The following BCAR3 variants were observed in gnomAD, a reference collection of about 807,000 sequenced individuals.
The protein encoded by BCAR3 is BCAR3 adaptor protein, NSP family member.
A neutral mutation model predicts 80.1 loss-of-function variants in BCAR3; 37 were observed. That is an observed-to-expected ratio of 0.46 (90% CI 0.36 to 0.61). The LOEUF (loss-of-function observed/expected upper bound fraction) is 0.61, where lower values mean the gene tolerates loss of function less well. BCAR3 is among the 20% of genes least tolerant of loss of function. BCAR3 has a pLI of 0.00. For missense variants in BCAR3, 978 were observed against 1,068.2 expected (o/e 0.92, Z 1.18); for synonymous variants, 389 against 418.9 (o/e 0.93, Z 0.87).
At chr1:93,796,626 C>T (rs1003815206) in intron 2 of BCAR3, among the ~76,000 whole-genome samples, 10 of 152,138 alleles carry the variant, frequency 6.6e-5, no homozygotes, top group African/African-American at 2.4e-4. Context: ...CTGCGTCGCT[C>T]ACGCTGGGAG....
intron 2 of BCAR3, among the ~76,000 whole-genome samples, chr1:93,837,861 T>C (rs1343648292): frequency 6.6e-6 from 1 of 152,218 alleles, no homozygotes; most frequent in African/African-American, 2.4e-5. Context: ...CCTTACTTCA[T>C]GTTAGTACCT....
At chr1:93,832,818 A>T (rs1654620153) in intron 2 of BCAR3, among the ~76,000 whole-genome samples, 1 of 152,170 alleles carries the variant, frequency 6.6e-6, no homozygotes, top group African/African-American at 2.4e-5. Context: ...CTTATTAGGT[A>T]GAGACATTTT....
rs1309114061 is a variant in BCAR3, at chr1:93,844,700, CTTCT to C, written c.-63+863_-63+866del. ...CCTGACCTTGTTTGGCTGTGACTTT[CTTCT>C]TTTTTTTTTTTTTTTTCTTTTGGAG... On this transcript the variant is annotated intron_variant, in intron 2 of 13. Coordinates refer to the BCAR3 transcript ENST00000370244. Among the ~76,000 whole-genome samples the C allele has an allele frequency of 4.7e-5, 7 of 147,654 alleles. No homozygotes were observed. In the East Asian group the frequency reaches 9.7e-4, roughly 20 times the overall value.
At chr1:93,591,631 T>C (rs745850833) in intron 4 of BCAR3, among the ~76,000 whole-genome samples, 13 of 152,224 alleles carry the variant, frequency 8.5e-5, no homozygotes, top group Admixed American at 2.0e-4. Context: ...ACTTACTCTA[T>C]TTTTCAATTT....
At chr1:93,828,299 T>C (rs888808790) in intron 2 of BCAR3, among the ~76,000 whole-genome samples, 18 of 152,186 alleles carry the variant, frequency 1.2e-4, no homozygotes, top group Admixed American at 2.6e-4. Flanking sequence ...AGCAAGACCT[T>C]GTCTCTTTAG....
At chr1:93,776,907 G>A (rs1652570979) in intron 2 of BCAR3, among the ~76,000 whole-genome samples, 1 of 152,116 alleles carries the variant, frequency 6.6e-6, no homozygotes, top group Non-Finnish European at 1.5e-5. Context: ...CACCAACGCT[G>A]TGCCTGTGAT....
chr1:93,783,954 T>G (rs898904905), intron 2 of BCAR3, among the ~76,000 whole-genome samples: 4 of 152,196 alleles, frequency 2.6e-5, no homozygotes, highest in Admixed American at 2.6e-4. Flanking sequence ...TGTCTGGTTT[T>G]CTCTCTTGCG....
intron 3 of BCAR3, among the ~76,000 whole-genome samples, chr1:93,613,663 C>T (rs990070227): frequency 2.6e-5 from 4 of 152,232 alleles, no homozygotes; most frequent in African/African-American, 9.6e-5. Context: ...TTCTGTGCCA[C>T]TGGGTTCTGC....
chr1:93,583,595 T>C (rs985804111), intron 6 of BCAR3, among the ~76,000 whole-genome samples: 2 of 151,866 alleles, frequency 1.3e-5, no homozygotes, highest in East Asian at 3.9e-4. Flanking sequence ...GGAAGGGGAG[T>C]TGGCCTGGAC....
intron 2 of BCAR3, among the ~76,000 whole-genome samples, chr1:93,820,074 A>G (rs1055207867): frequency 1.3e-5 from 2 of 152,032 alleles, no homozygotes; most frequent in Admixed American, 1.3e-4. Context: ...TTAACAGTAA[A>G]CTCTAAACTC....
intron 2 of BCAR3, among the ~76,000 whole-genome samples, chr1:93,828,847 C>T (rs947024449): frequency 6.6e-6 from 1 of 152,114 alleles, no homozygotes; most frequent in Non-Finnish European, 1.5e-5. Flanking sequence ...CGCATGCTAC[C>T]ACACCCGGCT....
At chr1:93,624,882 G>A (rs1675410345) in intron 3 of BCAR3, among the ~76,000 whole-genome samples, 1 of 152,250 alleles carries the variant, frequency 6.6e-6, no homozygotes, top group Non-Finnish European at 1.5e-5. Context: ...GCCAGCCTCT[G>A]GCTGAATTAC....
chr1:93,565,872 C>G (rs1672927278), intron 11 of BCAR3, among the ~76,000 whole-genome samples: 2 of 152,174 alleles, frequency 1.3e-5, no homozygotes, highest in African/African-American at 4.8e-5. Flanking sequence ...CTTTGTGAAT[C>G]AAACTGTGAG....
rs748918676 is a variant in BCAR3 at position 93,582,640 on chromosome 1, A to G, written c.1347T>C (p.Cys449=). The part of the protein sequence containing the change: ...GCGRGAKLPS[C]AQGSHTELLT... ...GCAGTTCTGTGTGGCTTCCCTGGGC[A>G]CATGAGGGTAGCTTTGCTCCCCTGC... The change falls in exon 7 of 12, where the codon TGT becomes TGC. Residue 449 remains cysteine, a synonymous_variant. Coordinates refer to ENST00000260502, the MANE Select transcript of BCAR3 (RefSeq NM_003567.4). The G allele has an allele frequency of 2.5e-6, 4 of 1,613,910 alleles. No individual in the cohort carries two copies. Among genetic ancestry groups the G allele is most frequent in the Non-Finnish European group, 3.4e-6 (4 of 1,179,996 alleles).
At chr1:93,619,943 T>G (rs1675259270) in intron 3 of BCAR3, among the ~76,000 whole-genome samples, 2 of 152,236 alleles carry the variant, frequency 1.3e-5, no homozygotes, top group Admixed American at 6.5e-5. Context: ...TCTCTGAGCC[T>G]TAGTTTCCTC....
intron 8 of BCAR3, among the ~76,000 whole-genome samples, chr1:93,574,729 G>A (rs1278134274): frequency 6.6e-6 from 1 of 152,200 alleles, no homozygotes. Context: ...GAGCCGGGAG[G>A]TCAGGCCCCT....
At chr1:93,568,263 A>G (rs1673047271) in intron 9 of BCAR3, 1 of 158,726 alleles carries the variant, frequency 6.3e-6, no homozygotes, top group African/African-American at 2.4e-5. Context: ...CATGGTAAAA[A>G]TGTCAAAGTG....
chr1:93,717,477 C>A (rs1557664535), intron 2 of BCAR3, among the ~76,000 whole-genome samples: 1 of 152,082 alleles, frequency 6.6e-6, no homozygotes, highest in Non-Finnish European at 1.5e-5. Flanking sequence ...GTAATCCCAG[C>A]ACTTTGGGAG....
chr1:93,674,709 G>T lies in BCAR3; in HGVS notation c.222C>A (p.Pro74=). ...AGTTCTGCCGTGGGGATTTGGAGTG[G>T]GGGAGGGTGCCCATGTGACTGAAGT... ...CDDFSHMGTL[P]HSKSPRQNSP... is the part of the protein sequence containing the mutation. Residue 74 remains proline, a synonymous_variant, in exon 2 of 12, where the codon CCC becomes CCA. Transcript: ENST00000260502. 1 of 1,614,060 alleles carries T rather than the reference G, an allele frequency of 6.2e-7. No homozygotes were observed. Among genetic ancestry groups the T allele is most frequent in the Non-Finnish European group, 8.5e-7 (1 of 1,180,002 alleles).
Sources: allele counts gnomAD v4.1 joint callset (sites outside exome capture counted in the v4.1 genomes callset), GRCh38; gene constraint gnomAD v4.1.1; transcripts MANE v1.5; gene names NCBI Gene and HGNC (gene_info 2026-07-23, HGNC 2026-07-21).